SIDT1: variants seen among roughly 807,000 people sequenced by gnomAD.
SIDT1 encodes the protein SID1 transmembrane family, member 1.
A neutral mutation model predicts 107.5 loss-of-function variants in SIDT1; 101 were observed. That is an observed-to-expected ratio of 0.94 (90% CI 0.80 to 1.11). The LOEUF is 1.11. Ranked by LOEUF, SIDT1 falls within the 50% of genes least tolerant of loss-of-function variation. SIDT1 has a pLI of 0.00. For missense variants in SIDT1, 1,076 were observed against 1,058.2 expected, an observed-to-expected ratio of 1.02 and a Z score of -0.23; for synonymous variants, 395 against 398.2, an observed-to-expected ratio of 0.99 and a Z score of 0.10.
At chr3:113,574,297 G>A (rs1289429033) in intron 3 of SIDT1, among the ~76,000 whole-genome samples, 1 of 152,168 alleles carries the variant, frequency 6.6e-6, no homozygotes, top group East Asian at 1.9e-4. Flanking sequence ...ATGACAAGAA[G>A]GTCGGTGGGA....
At chr3:113,593,251 G>A (rs1246920349) in intron 10 of SIDT1, among the ~76,000 whole-genome samples, 2 of 152,174 alleles carry the variant, frequency 1.3e-5, no homozygotes, top group African/African-American at 2.4e-5. Flanking sequence ...GCCCTAGGCC[G>A]TGGACTGGTA....
downstream of SIDT1, among the ~76,000 whole-genome samples, chr3:113,630,835 C>T (rs1947087388): frequency 6.6e-6 from 1 of 152,114 alleles, no homozygotes; most frequent in African/African-American, 2.4e-5. Context: ...CTCCTGAATC[C>T]CACAGGGAGG....
chr3:113,588,981 T>C (rs1943946014), intron 9 of SIDT1, among the ~76,000 whole-genome samples: 1 of 152,110 alleles, frequency 6.6e-6, no homozygotes, highest in African/African-American at 2.4e-5. Context: ...AGCTAGCTCT[T>C]CTGGGCTGGC....
At chr3:113,569,785 G>A (rs1942270653) in intron 3 of SIDT1, among the ~76,000 whole-genome samples, 1 of 152,194 alleles carries the variant, frequency 6.6e-6, no homozygotes, top group Non-Finnish European at 1.5e-5. Flanking sequence ...TTAAATCAGA[G>A]GCTGTAGGGG....
intron 13 of SIDT1, among the ~76,000 whole-genome samples, chr3:113,604,247 TTC>T (rs374170764): frequency 2.9e-4 from 44 of 152,278 alleles, no homozygotes; most frequent in African/African-American, 1.0e-3. Flanking sequence ...GCAAGAAATC[TTC>T]TCTCCCCTCA....
At chr3:113,593,106 A>G in intron 10 of SIDT1, 58 bp downstream of exon 10, 2 of 1,365,656 alleles carry the variant, frequency 1.5e-6, no homozygotes, top group Non-Finnish European at 1.0e-6. Flanking sequence ...GCAACATCCC[A>G]TTTCATGCTT....
chr3:113,613,011 G>A (rs1945858950), intron 19 of SIDT1, among the ~76,000 whole-genome samples: 1 of 152,112 alleles, frequency 6.6e-6, no homozygotes, highest in Non-Finnish European at 1.5e-5. Flanking sequence ...GAGGGAAGAA[G>A]GGAGGGAGGG....
chr3:113,550,672 A>T (rs1940122964), intron 1 of SIDT1, among the ~76,000 whole-genome samples: 1 of 152,192 alleles, frequency 6.6e-6, no homozygotes, highest in Admixed American at 6.5e-5. Flanking sequence ...GAACCATAGG[A>T]AAGAGGTAGC....
At chr3:113,621,130 CATAGAGATGTATGT>C (rs754735834) in intron 21 of SIDT1, among the ~76,000 whole-genome samples, 1 of 152,180 alleles carries the variant, frequency 6.6e-6, no homozygotes, top group Non-Finnish European at 1.5e-5. Flanking sequence ...TATATATAGG[CATAGAGATGTATGT>C]ACATACATAT....
At position 113,568,887 on chromosome 3, in the gene SIDT1, A is replaced by C. The variant is rs943233814; in HGVS notation, c.515+1177A>C. Reference sequence around the variant, plus strand: ...GGTGGCTCACGCCTGTGATCCCAGCACTTTGGGAGGCCACAGCAGGTGGAT... The same window carrying C: ...GGTGGCTCACGCCTGTGATCCCAGCCCTTTGGGAGGCCACAGCAGGTGGAT... On this transcript the variant is annotated intron_variant, in intron 3 of 24. Transcript: ENST00000264852. 4.1e-4 allele frequency among the ~76,000 whole-genome samples: 63 copies of C among 152,094 alleles called. 1 individual carries two copies. Among genetic ancestry groups the C allele is most frequent in the Middle Eastern group, 3.2e-3 (1 of 316 alleles).
downstream of SIDT1, among the ~76,000 whole-genome samples, chr3:113,630,299 C>T (rs1017159546): frequency 1.3e-4 from 20 of 152,296 alleles, no homozygotes; most frequent in East Asian, 3.9e-4. Context: ...CCTCTTCACA[C>T]CCCTGACAAA....
chr3:113,617,165 G>A (rs1412718983), intron 20 of SIDT1, among the ~76,000 whole-genome samples: 1 of 152,080 alleles, frequency 6.6e-6, no homozygotes, highest in Admixed American at 6.5e-5. Flanking sequence ...GGACTATCTC[G>A]AGAAAACTGG....
At chr3:113,538,517 A>G (rs890478610) in intron 1 of SIDT1, among the ~76,000 whole-genome samples, 13 of 152,256 alleles carry the variant, frequency 8.5e-5, no homozygotes, top group African/African-American at 3.1e-4. Flanking sequence ...CAAAAATAAT[A>G]GAAAATGTGT....
intron 24 of SIDT1, among the ~76,000 whole-genome samples, chr3:113,626,948 G>A (rs1946895989): frequency 6.6e-6 from 1 of 152,156 alleles, no homozygotes; most frequent in Non-Finnish European, 1.5e-5. Context: ...TTCAAGAGTG[G>A]AGCAGGGCTA....
intron 4 of SIDT1, 91 bp downstream of exon 4, chr3:113,577,058 G>T (rs892109271): frequency 8.2e-7 from 1 of 1,212,314 alleles, no homozygotes; most frequent in Non-Finnish European, 1.2e-6. Context: ...TAGAGTTAGC[G>T]TGTGGTGTTG....
intron 14 of SIDT1, 79 bp from the exon 15 acceptor site, chr3:113,606,962 T>C: frequency 1.1e-6 from 1 of 880,538 alleles, no homozygotes; most frequent in East Asian, 2.4e-5. Flanking sequence ...CCGTGAGCCC[T>C]GTCTGCTCTT....
At chr3:113,593,165 A>C in intron 10 of SIDT1, 117 bp downstream of exon 10, 1 of 886,402 alleles carries the variant, frequency 1.1e-6, no homozygotes, top group Admixed American at 1.7e-5. Flanking sequence ...CTTGATTCCT[A>C]TCCCGCAGAG....
At chr3:113,619,294 T>C (rs2107791569) in intron 20 of SIDT1, among the ~76,000 whole-genome samples, 1 of 152,250 alleles carries the variant, frequency 6.6e-6, no homozygotes, top group Admixed American at 6.5e-5. Context: ...TACCAAGTAG[T>C]ACACCCCAGA....
intron 14 of SIDT1, chr3:113,606,309 T>C (rs11706066): frequency 0.29 from 44,387 of 152,022 alleles, 7,291 homozygotes; most frequent in South Asian, 0.42. Flanking sequence ...CAAATCCCAG[T>C]GTCCAGGCTG....
Sources: allele counts gnomAD v4.1 joint callset (sites outside exome capture counted in the v4.1 genomes callset), GRCh38; gene constraint gnomAD v4.1.1; transcripts MANE v1.5; gene names NCBI Gene and HGNC (gene_info 2026-07-23, HGNC 2026-07-21).